SLC47A2: variants seen among roughly 807,000 people sequenced by gnomAD.
SLC47A2 encodes solute carrier family 47 member 2.
A neutral mutation model predicts 67.7 loss-of-function variants in SLC47A2; 52 were observed. That is an observed-to-expected ratio of 0.77 (90% confidence interval 0.61 to 0.97). The LOEUF is 0.97. SLC47A2 is among the 50% of genes least tolerant of loss of function. The probability of loss-of-function intolerance (pLI) is 0.00; values close to 1 mark genes in which losing one functional copy is unlikely to be tolerated. For missense variants in SLC47A2, 676 were observed against 712.3 expected, an observed-to-expected ratio of 0.95 and a Z score of 0.58; for synonymous variants, 278 against 292.9, an observed-to-expected ratio of 0.95 and a Z score of 0.52.
rs2085908444 is a variant in SLC47A2, at chr17:19,705,508, A to G, written c.842-5T>C. 6.3e-7 allele frequency: 1 copy of G among 1,595,704 alleles called. No homozygotes were observed. Among genetic ancestry groups the G allele is most frequent in the Admixed American group, 1.7e-5 (1 of 58,102 alleles). On this transcript the variant is annotated splice_region_variant and splice_polypyrimidine_tract_variant and intron_variant, in intron 9 of 16. Transcript: ENST00000433844. The stretch of plus-strand genomic sequence containing the variant: ...GATCCACCACACTGAGCAGCCCTAG[A>G]GAAGAGGCCCGCCGTGAGTCCGGCC...
At chr17:19,708,844 C>T in intron 5 of SLC47A2, 84 bp from the exon 6 acceptor site, 1 of 1,504,284 alleles carries the variant, frequency 6.6e-7, no homozygotes, top group Non-Finnish European at 9.2e-7. Flanking sequence ...CTTTCCAGGA[C>T]ATAGTACCCC....
At chr17:19,695,724 T>C (rs535068445) in intron 13 of SLC47A2, among the ~76,000 whole-genome samples, 15 of 151,720 alleles carry the variant, frequency 9.9e-5, no homozygotes, top group Non-Finnish European at 2.9e-5. Flanking sequence ...GATACTGAAA[T>C]TCCTTTTTTT....
chr17:19,708,882 A>AT (rs1438683003), intron 5 of SLC47A2, 122 bp from the exon 6 acceptor site: 1 of 1,262,040 alleles, frequency 7.9e-7, no homozygotes, highest in Non-Finnish European at 1.1e-6. Context: ...TCATCAAAGT[A>AT]TGTCTGGGAC....
chr17:19,704,235 C>T, intron 10 of SLC47A2, 57 bp from the exon 11 acceptor site: 1 of 1,437,866 alleles, frequency 7.0e-7, no homozygotes, highest in Non-Finnish European at 9.5e-7. Context: ...CCCCTGAAGT[C>T]CTGAGCCAGC....
Position 19,706,655 on chromosome 17 carries a change from G to T in SLC47A2, c.834C>A (p.Phe278Leu), listed in dbSNP as rs141006722. Residue 278 changes from phenylalanine (F) to leucine (L), a missense_variant, in exon 9 of 17, where the codon TTC becomes TTA. By Grantham distance (22) the Phe-to-Leu change is conservative. Coordinates refer to ENST00000433844, the MANE Select transcript of SLC47A2 (RefSeq NM_001099646.3). The stretch of plus-strand genomic sequence containing the variant: ...CCATCCTCTTCCACGTACCCATGAG[G>T]AAGCTCCCGATCTCATAGGCCCACC... ...VEWWAYEIGSFLMGLLSVVDL... is the reference protein window; with the variant it reads ...VEWWAYEIGSLLMGLLSVVDL... 2.3e-5 allele frequency: 36 copies of T among 1,596,560 alleles called. No individual in the cohort carries two copies. In the African/African-American group the frequency reaches 4.9e-4, roughly 22 times the overall value.
intron 9 of SLC47A2, among the ~76,000 whole-genome samples, chr17:19,706,255 C>T (rs1405525915): frequency 1.3e-5 from 2 of 152,240 alleles, no homozygotes; most frequent in Non-Finnish European, 2.9e-5. Context: ...CACAAGGCAG[C>T]AGGTGGGAGC....
chr17:19,716,803 C>A, upstream of SLC47A2: 2 of 502,572 alleles, frequency 4.0e-6, no homozygotes, highest in South Asian at 6.1e-5. Context: ...CAGACCGCTG[C>A]CTGTTGTGTC....
chr17:19,711,261 A>G (rs1347507773), intron 5 of SLC47A2, among the ~76,000 whole-genome samples: 1 of 152,204 alleles, frequency 6.6e-6, no homozygotes, highest in Non-Finnish European at 1.5e-5. Flanking sequence ...TATTCACATA[A>G]TAAGTACATG....
At chr17:19,704,821 GCT>G in intron 10 of SLC47A2, 5 of 418,622 alleles carry the variant, frequency 1.2e-5, no homozygotes, top group African/African-American at 2.6e-5. Context: ...GATGGAATGT[GCT>G]TTTTTTTTTT....
chr17:19,681,527 A>G lies in SLC47A2; in HGVS notation c.1297+11T>C. On this transcript the variant is annotated intron_variant, in intron 14 of 16. Transcript: ENST00000433844. Reference sequence around the variant, plus strand: ...CACCCAGGCCTCTCCCGACTTCCTCACACCACATACCCATGATTCTCATTC... The same window carrying G: ...CACCCAGGCCTCTCCCGACTTCCTCGCACCACATACCCATGATTCTCATTC... 1 of 1,614,168 alleles carries G rather than the reference A, an allele frequency of 6.2e-7. No homozygotes were observed. Among genetic ancestry groups the G allele is most frequent in the Non-Finnish European group, 8.5e-7 (1 of 1,180,042 alleles).
chr17:19,704,365 G>A (rs2085870793), intron 10 of SLC47A2, among the ~76,000 whole-genome samples, 187 bp from the exon 11 acceptor site: 3 of 152,230 alleles, frequency 2.0e-5, no homozygotes, highest in Admixed American at 1.3e-4. Flanking sequence ...GGAGAAGGGT[G>A]GGGGTACCCC....
intron 12 of SLC47A2, among the ~76,000 whole-genome samples, 161 bp downstream of exon 12, chr17:19,702,931 G>A (rs1046442236): frequency 1.3e-5 from 2 of 152,214 alleles, no homozygotes; most frequent in Non-Finnish European, 2.9e-5. Flanking sequence ...AAGGCCTGGG[G>A]TGGATAGACA....
chr17:19,700,847 G>A (rs538029160), intron 13 of SLC47A2, among the ~76,000 whole-genome samples: 3 of 151,272 alleles, frequency 2.0e-5, no homozygotes, highest in African/African-American at 7.3e-5. Flanking sequence ...CCAGACACTA[G>A]AGAAAAAGTA....
At chr17:19,697,228 G>A (rs1469533837) in intron 13 of SLC47A2, among the ~76,000 whole-genome samples, 2 of 152,196 alleles carry the variant, frequency 1.3e-5, no homozygotes, top group Non-Finnish European at 2.9e-5. Flanking sequence ...AACCCGGGAG[G>A]TGGAGCTTGC....
At chr17:19,701,202 C>T (rs1466066036) in intron 13 of SLC47A2, among the ~76,000 whole-genome samples, 1 of 148,566 alleles carries the variant, frequency 6.7e-6, no homozygotes, top group South Asian at 2.1e-4. Flanking sequence ...TATCCTATGA[C>T]AAAAGCAATA....
Position 19,713,988 on chromosome 17 carries a change from G to C in SLC47A2, c.295-15C>G, listed in dbSNP as rs1449379889. 3.7e-6 allele frequency: 6 copies of C among 1,607,320 alleles called. No homozygotes were observed. The East Asian group carries it at 1.3e-4, about 36-fold the overall frequency. On this transcript the variant is annotated splice_polypyrimidine_tract_variant and intron_variant, in intron 3 of 16. Coordinates refer to ENST00000433844, the MANE Select transcript of SLC47A2 (RefSeq NM_001099646.3). ...CTGCCGAAGCTCTGCAAAACAGCCCGCCCCGCGTCAGCCGTTTCCACTGCC... is the reference window on the plus strand; with the variant it reads ...CTGCCGAAGCTCTGCAAAACAGCCCCCCCCGCGTCAGCCGTTTCCACTGCC...
intron 10 of SLC47A2, chr17:19,704,570 A>G: frequency 1.5e-6 from 2 of 1,345,636 alleles, no homozygotes; most frequent in Non-Finnish European, 2.0e-6. Flanking sequence ...TAAAAATAAG[A>G]ATCTCTAAAT....
At chr17:19,679,821 A>T (rs770421741) in intron 16 of SLC47A2, 131 bp downstream of exon 16, 1 of 883,714 alleles carries the variant, frequency 1.1e-6, no homozygotes, top group Non-Finnish European at 1.7e-6. Context: ...CATCATTTTC[A>T]TAATAATGGG....
chr17:19,695,208 A>T (rs2085632460), intron 13 of SLC47A2, among the ~76,000 whole-genome samples: 1 of 152,180 alleles, frequency 6.6e-6, no homozygotes, highest in Non-Finnish European at 1.5e-5. Flanking sequence ...AAAATTGGTA[A>T]TAGTATATTT....
Sources: gnomAD v4.1 joint callset for allele counts (sites outside exome capture counted in the v4.1 genomes callset) on GRCh38, gnomAD v4.1.1 for gene constraint, MANE v1.5 for transcripts, NCBI Gene and HGNC (gene_info 2026-07-23, HGNC 2026-07-21) for gene names.